Variants in LRRFIP2 observed in about 807,000 individuals in gnomAD.
The protein encoded by LRRFIP2 is LRR binding FLII interacting protein 2, also known as leucine-rich repeat flightless-interacting protein 2.
Under a neutral mutation model 125.9 loss-of-function variants are expected in LRRFIP2, and 109 were observed. The ratio of observed to expected loss-of-function variants is 0.87; its 90% CI spans 0.74 to 1.01. The LOEUF is 1.01. Among genes scored for constraint, LRRFIP2 ranks in the 50% least tolerant of loss-of-function variants. The probability of loss-of-function intolerance (pLI) is 0.00; values close to 1 mark genes in which losing one functional copy is unlikely to be tolerated. For synonymous variants in LRRFIP2, 291 were observed against 293.1 expected, an observed-to-expected ratio of 0.99 and a Z score of 0.07; for missense variants, 850 against 862.3, an observed-to-expected ratio of 0.99 and a Z score of 0.18.
chr3:37,124,433 T>TG (rs1166392458), intron 4 of LRRFIP2, among the ~76,000 whole-genome samples: 3 of 152,160 alleles, frequency 2.0e-5, no homozygotes, highest in Non-Finnish European at 4.4e-5. Flanking sequence ...GCAAAACATT[T>TG]GGGTCATTTT....
chr3:37,149,655 T>C (rs929345181), intron 1 of LRRFIP2, among the ~76,000 whole-genome samples: 2 of 152,258 alleles, frequency 1.3e-5, no homozygotes, highest in African/African-American at 2.4e-5. Flanking sequence ...CTAAGCCTTA[T>C]AGTTACAAAA....
At position 37,112,997 on chromosome 3, in the gene LRRFIP2, C is replaced by T. The variant is rs371799870; in HGVS notation, c.373-17G>A. 6.9e-7 allele frequency: 1 copy of T among 1,456,132 alleles called. No homozygotes were observed. The highest frequency in any genetic ancestry group is 9.5e-7 in the Non-Finnish European group (1 of 1,050,634). The allele number at this position is 1,456,132 out of a possible 1,614,324, so 90.2% of individuals were successfully genotyped here. ...AGAATGATTCTGGAAGTAAATATTC[C>T]AAGTTAACTTCAATGATTGCATAGC... On this transcript the variant is annotated splice_polypyrimidine_tract_variant and intron_variant, in intron 7 of 27. Transcript: ENST00000336686.
chr3:37,160,190 A>G lies in LRRFIP2; in HGVS notation c.-55-11152T>C, dbSNP rs184126776. Among the ~76,000 whole-genome samples, 46 of 152,070 alleles carry G rather than the reference A, an allele frequency of 3.0e-4. 1 individual carries two copies. In the East Asian group the frequency reaches 8.4e-3, roughly 28 times the overall value. On this transcript the variant is annotated intron_variant, in intron 1 of 27. Transcript: ENST00000336686. ...TAAGCAATGGGAACAGGGAGGGAGT[A>G]GGAAGTGTGGGCTTAGGTGAAAGTA...
chr3:37,098,326 G>C (rs2093831878), intron 15 of LRRFIP2, among the ~76,000 whole-genome samples: 2 of 150,682 alleles, frequency 1.3e-5, no homozygotes, highest in African/African-American at 2.4e-5. Flanking sequence ...TGTGTACAAC[G>C]TGCAGGTTTG....
chr3:37,148,753 T>G, intron 2 of LRRFIP2, 141 bp downstream of exon 2: 1 of 772,424 alleles, frequency 1.3e-6, no homozygotes. Context: ...AACACACTAT[T>G]TTAGAGACTA....
At chr3:37,146,717 G>C (rs1460444168) in intron 2 of LRRFIP2, among the ~76,000 whole-genome samples, 2 of 152,140 alleles carry the variant, frequency 1.3e-5, no homozygotes, top group Non-Finnish European at 2.9e-5. Context: ...GTCTATCACT[G>C]ATGGGCATTT....
chr3:37,173,000 G>A (rs1347300841), intron 1 of LRRFIP2: 1 of 152,172 alleles, frequency 6.6e-6, no homozygotes, highest in Non-Finnish European at 1.5e-5. Context: ...AAGCCATCCT[G>A]GCTAACAGGG....
chr3:37,120,722 T>G (rs927747765), intron 6 of LRRFIP2, among the ~76,000 whole-genome samples: 3 of 151,864 alleles, frequency 2.0e-5, no homozygotes, highest in Non-Finnish European at 4.4e-5. Context: ...TTAAGAAAAC[T>G]ACATGGAAGT....
intron 1 of LRRFIP2, among the ~76,000 whole-genome samples, chr3:37,166,791 G>A (rs1193741507): frequency 2.6e-5 from 4 of 152,048 alleles, no homozygotes; most frequent in Non-Finnish European, 5.9e-5. Flanking sequence ...GGCTGAGGTG[G>A]GCGGATCACC....
At chr3:37,152,943 A>C (rs2096073161) in intron 1 of LRRFIP2, among the ~76,000 whole-genome samples, 2 of 152,234 alleles carry the variant, frequency 1.3e-5, no homozygotes, top group Admixed American at 6.5e-5. Context: ...CAAAAATGTA[A>C]GCATTTTCTA....
At chr3:37,140,599 C>T (rs576387751) in intron 2 of LRRFIP2, among the ~76,000 whole-genome samples, 3 of 148,670 alleles carry the variant, frequency 2.0e-5, no homozygotes, top group African/African-American at 7.5e-5. Flanking sequence ...GGCGTGGTAG[C>T]GCAAGATCAT....
intron 1 of LRRFIP2, among the ~76,000 whole-genome samples, chr3:37,163,948 T>C (rs1351077247): frequency 1.3e-5 from 2 of 152,234 alleles, no homozygotes; most frequent in African/African-American, 4.8e-5. Context: ...GGTGTTCATG[T>C]ATTCTTCTTC....
chr3:37,116,407 G>T (rs895135804), intron 6 of LRRFIP2, among the ~76,000 whole-genome samples: 3 of 152,046 alleles, frequency 2.0e-5, no homozygotes, highest in South Asian at 2.1e-4. Flanking sequence ...AAAGGGCTGG[G>T]ATTACAGGCA....
chr3:37,129,641 C>T (rs1000289341), intron 2 of LRRFIP2, among the ~76,000 whole-genome samples: 1 of 152,196 alleles, frequency 6.6e-6, no homozygotes, highest in Non-Finnish European at 1.5e-5. Context: ...TCCCCACTCC[C>T]CACCTCTGTT....
chr3:37,121,599 A>G (rs2095042753), intron 5 of LRRFIP2, 36 bp downstream of exon 5: 2 of 1,613,630 alleles, frequency 1.2e-6, no homozygotes, highest in African/African-American at 2.7e-5. Flanking sequence ...CTAATGAGGA[A>G]AAGTATTAGA....
intron 18 of LRRFIP2, among the ~76,000 whole-genome samples, chr3:37,087,009 G>A (rs184000295): frequency 1.1e-4 from 16 of 151,960 alleles, no homozygotes; most frequent in African/African-American, 2.4e-4. Context: ...CCACAGGCAC[G>A]TACTACCACA....
intron 14 of LRRFIP2, 91 bp downstream of exon 14, chr3:37,105,364 T>C: frequency 9.2e-7 from 1 of 1,091,882 alleles, no homozygotes; most frequent in African/African-American, 1.6e-5. Context: ...TTTTGTCAAA[T>C]GCAAACTTCA....
At chr3:37,163,120 C>T (rs1008092180) in intron 1 of LRRFIP2, among the ~76,000 whole-genome samples, 1 of 152,156 alleles carries the variant, frequency 6.6e-6, no homozygotes, top group Non-Finnish European at 1.5e-5. Context: ...GACTCAATAA[C>T]AAACTTTCCC....
At chr3:37,099,563 T>C (rs1395430842) in intron 15 of LRRFIP2, among the ~76,000 whole-genome samples, 1 of 152,206 alleles carries the variant, frequency 6.6e-6, no homozygotes, top group African/African-American at 2.4e-5. Context: ...TGAAAAAATA[T>C]CTGATTTCCA....
Sources: allele counts gnomAD v4.1 joint callset (sites outside exome capture counted in the v4.1 genomes callset), GRCh38; gene constraint gnomAD v4.1.1; transcripts MANE v1.5; gene names NCBI Gene and HGNC (gene_info 2026-07-23, HGNC 2026-07-21).